The following TTC7A variants were observed in gnomAD, a reference collection of about 807,000 sequenced individuals.
TTC7A encodes the protein tetratricopeptide repeat domain 7A, also known as tetratricopeptide repeat protein 7A.
Under a neutral mutation model 103.7 loss-of-function variants are expected in TTC7A, and 110 were observed. That is an observed-to-expected ratio of 1.06 (90% CI 0.91 to 1.24). The LOEUF is 1.24. Ranked by LOEUF, TTC7A falls within the 50% of genes most tolerant of loss-of-function variation. The probability of loss-of-function intolerance (pLI) is 0.00; values close to 1 mark genes in which losing one functional copy is unlikely to be tolerated. For synonymous variants in TTC7A, 521 were observed against 467.9 expected, an observed-to-expected ratio of 1.11 and a Z score of -1.47; for missense variants, 1,340 against 1,116.3, an observed-to-expected ratio of 1.20 and a Z score of -2.86.
chr2:46,986,677 C>T (rs959749794), intron 5 of TTC7A, among the ~76,000 whole-genome samples: 1 of 152,182 alleles, frequency 6.6e-6, no homozygotes, highest in African/African-American at 2.4e-5. Context: ...CCTGCCTGAG[C>T]TCATTCCCAC....
chr2:46,916,521 T>C (rs1315162606), exon 1 of TTC7A: 1 of 152,510 alleles, frequency 6.6e-6, no homozygotes, highest in African/African-American at 2.4e-5. Context: ...CTGTATCGAA[T>C]TCATCCCTGT....
intron 3 of TTC7A, chr2:46,958,578 G>C: frequency 7.7e-7 from 1 of 1,297,210 alleles, no homozygotes; most frequent in Non-Finnish European, 1.0e-6. Context: ...CTGCCGGCGC[G>C]GGCTGCTTGG....
intron 6 of TTC7A, 77 bp downstream of exon 6, chr2:46,993,605 G>A: frequency 2.1e-6 from 3 of 1,409,362 alleles, no homozygotes; most frequent in East Asian, 2.3e-5. Context: ...CTTGCAGGGA[G>A]CCTGTGAAGC....
intron 15 of TTC7A, among the ~76,000 whole-genome samples, chr2:47,037,967 T>G (rs1172557036): frequency 1.3e-5 from 2 of 152,136 alleles, no homozygotes; most frequent in African/African-American, 4.8e-5. Context: ...ACTGAAACTC[T>G]AGGCTGGGCG....
chr2:46,930,962 A>C (rs1669670433), intron 2 of TTC7A, among the ~76,000 whole-genome samples: 1 of 152,224 alleles, frequency 6.6e-6, no homozygotes, highest in African/African-American at 2.4e-5. Context: ...TGATGACCAA[A>C]AGCCAATGAA....
At chr2:46,997,056 G>A (rs1204373685) in intron 8 of TTC7A, among the ~76,000 whole-genome samples, 2 of 152,096 alleles carry the variant, frequency 1.3e-5, no homozygotes, top group Admixed American at 1.3e-4. Context: ...CTGGCTCACT[G>A]CAACCTCTGT....
intron 3 of TTC7A, among the ~76,000 whole-genome samples, chr2:46,974,145 G>A (rs372395603): frequency 3.3e-5 from 5 of 152,220 alleles, no homozygotes; most frequent in South Asian, 2.1e-4. Context: ...TAACAAGAGC[G>A]AGGTCTGGAA....
intron 18 of TTC7A, among the ~76,000 whole-genome samples, chr2:47,060,290 A>G (rs6708855): frequency 0.05 from 7,666 of 152,114 alleles, 656 homozygotes; most frequent in African/African-American, 0.17. Flanking sequence ...AAATCACTTG[A>G]ACCCAGGGGG....
rs907707844 is a variant in TTC7A, at chr2:47,007,267, C to T, written c.1287+543C>T. Among the ~76,000 whole-genome samples the T allele has an allele frequency of 5.9e-5, 9 of 151,958 alleles. No homozygotes were observed. The highest frequency in any genetic ancestry group is 2.2e-4 in the African/African-American group (9 of 41,342). ...GGGACAGGGCCTGGCGGGACGCTGC[C>T]CGGAGCAAGGAGCACCGGGCATGAG... On this transcript the variant is annotated intron_variant, in intron 10 of 19. Coordinates refer to ENST00000319190, the MANE Select transcript of TTC7A (RefSeq NM_020458.4). The surrounding 1 kb of genome is among the most constrained non-coding windows in gnomAD (Gnocchi z 4.9).
rs368115727 is a variant in TTC7A, at chr2:47,029,188, C to T, written c.1642-36C>T. 9.0e-5 allele frequency: 145 copies of T among 1,610,260 alleles called. No homozygotes were observed. The African/African-American group carries it at 1.3e-3, about 15-fold the overall frequency. ...CTCCTGAGTCCCAGGGCAGCATGTG[C>T]CTGGGGAAGGCTAACCTGGCGGGTT... On this transcript the variant is annotated intron_variant, in intron 14 of 19. Coordinates refer to ENST00000319190, the MANE Select transcript of TTC7A (RefSeq NM_020458.4).
intron 3 of TTC7A, among the ~76,000 whole-genome samples, chr2:46,967,618 T>G (rs1479670664): frequency 1.3e-5 from 2 of 152,198 alleles, no homozygotes; most frequent in Non-Finnish European, 2.9e-5. Context: ...TAATATTGTA[T>G]TGTATGTATG....
rs913980078 is a variant in TTC7A, at chr2:46,966,151, G to T, written c.518-8822G>T. On this transcript the variant is annotated intron_variant, in intron 3 of 19. Transcript: ENST00000319190. ...TTTAGTAGAGATGGGGTTTCTCCAT[G>T]TTAGTCAGGCTGGTCTTGAACTCTC... Among the ~76,000 whole-genome samples the T allele has an allele frequency of 2.0e-5, 3 of 152,274 alleles. No homozygotes were observed. The East Asian group carries it at 5.8e-4, about 29-fold the overall frequency.
intron 3 of TTC7A, among the ~76,000 whole-genome samples, chr2:46,959,067 C>T (rs993043180): frequency 6.6e-6 from 1 of 152,190 alleles, no homozygotes; most frequent in Non-Finnish European, 1.5e-5. Flanking sequence ...GCGCGGATCT[C>T]ACAGGAAGTG....
At chr2:46,930,005 G>A (rs937252693) in intron 2 of TTC7A, among the ~76,000 whole-genome samples, 8 of 152,206 alleles carry the variant, frequency 5.3e-5, no homozygotes, top group African/African-American at 1.9e-4. Context: ...AGCCAAGCTG[G>A]GTGGAATAGG....
At chr2:46,922,147 C>G (rs1669138015) in intron 2 of TTC7A, among the ~76,000 whole-genome samples, 1 of 152,034 alleles carries the variant, frequency 6.6e-6, no homozygotes, top group South Asian at 2.1e-4. Context: ...GGTCATCAAA[C>G]AACAACTTTA....
intron 3 of TTC7A, among the ~76,000 whole-genome samples, chr2:46,968,368 G>A (rs1256339956): frequency 6.6e-6 from 1 of 152,232 alleles, no homozygotes; most frequent in African/African-American, 2.4e-5. Flanking sequence ...GCGCAGGGCA[G>A]CCCACCTTCA....
In TTC7A at chr2:47,021,852, C is replaced by T. The variant is rs1214613126; in HGVS notation, c.1393-10C>T. ...CCCACCTCCATGACCTCTGTCTCTC[C>T]TCTTTGCAGCTAGAGGAAGCAGAGC... On this transcript the variant is annotated splice_polypyrimidine_tract_variant and intron_variant, in intron 11 of 19. Coordinates refer to ENST00000319190, the MANE Select transcript of TTC7A (RefSeq NM_020458.4). 7 of 1,612,460 alleles carry T rather than the reference C, an allele frequency of 4.3e-6. No homozygotes were observed. In the Admixed American group the frequency reaches 1.2e-4, roughly 27 times the overall value.
At chr2:47,028,118 G>A (rs552444217) in intron 14 of TTC7A, among the ~76,000 whole-genome samples, 30 of 152,222 alleles carry the variant, frequency 2.0e-4, no homozygotes, top group Admixed American at 1.0e-3. Flanking sequence ...ACCCATCCTG[G>A]GGGTGTTGTG....
intron 2 of TTC7A, among the ~76,000 whole-genome samples, chr2:46,952,055 G>C (rs1450225281): frequency 6.6e-6 from 1 of 152,138 alleles, no homozygotes; most frequent in Non-Finnish European, 1.5e-5. Flanking sequence ...GGTACTTTGG[G>C]GCTAGTAAGG....
Sources: gnomAD v4.1 joint callset for allele counts (sites outside exome capture counted in the v4.1 genomes callset) on GRCh38, gnomAD v4.1.1 for gene constraint, Gnocchi (gnomAD v3.1) non-coding constraint, MANE v1.5 for transcripts, NCBI Gene and HGNC (gene_info 2026-07-23, HGNC 2026-07-21) for gene names.